BMAL2: variants seen among roughly 807,000 people sequenced by gnomAD.
BMAL2 encodes basic helix-loop-helix ARNT-like protein 2.
chr12:27,385,519 T>C, the BMAL2 span: 2 of 1,607,138 alleles, frequency 1.2e-6, no homozygotes, highest in East Asian at 2.2e-5. Flanking sequence ...TTATAGACCA[T>C]CATTTCTTCA....
chr12:27,377,910 G>A, the BMAL2 span, among the ~76,000 whole-genome samples: 3 of 152,154 alleles, frequency 2.0e-5, no homozygotes, highest in East Asian at 1.9e-4. Flanking sequence ...GGCAGGGGGT[G>A]TGGTAGCTCC....
chr12:27,350,095 AT>A, the BMAL2 span, among the ~76,000 whole-genome samples: 3 of 152,350 alleles, frequency 2.0e-5, no homozygotes, highest in East Asian at 5.8e-4. Context: ...GTCAAAGTCT[AT>A]TTAGTCACCC....
At chr12:27,376,201 T>G in the BMAL2 span, 1 of 651,708 alleles carries the variant, frequency 1.5e-6, no homozygotes, top group Non-Finnish European at 2.6e-6. Context: ...TTTCAGGTCA[T>G]TAGGTGCTCA....
the BMAL2 span, among the ~76,000 whole-genome samples, chr12:27,374,302 C>T: frequency 1.4e-4 from 22 of 151,746 alleles, no homozygotes; most frequent in Non-Finnish European, 3.1e-4. Context: ...TTGGACATAT[C>T]CAAACTAATT....
chr12:27,367,917 TC>T, the BMAL2 span, among the ~76,000 whole-genome samples: 3 of 151,896 alleles, frequency 2.0e-5, no homozygotes, highest in Non-Finnish European at 4.4e-5. Flanking sequence ...TGATCTCAGC[TC>T]ACTGCAACCT....
At chr12:27,394,881 G>C in the BMAL2 span, among the ~76,000 whole-genome samples, 2 of 152,340 alleles carry the variant, frequency 1.3e-5, no homozygotes, top group East Asian at 3.9e-4. Context: ...AGTGAGCAAG[G>C]GAAGGCCATG....
the BMAL2 span, among the ~76,000 whole-genome samples, chr12:27,345,597 T>C: frequency 1.3e-5 from 2 of 152,208 alleles, no homozygotes; most frequent in Non-Finnish European, 2.9e-5. Context: ...CAAGTGATTC[T>C]CCTGCATCAT....
chr12:27,420,104 T>C, the BMAL2 span, among the ~76,000 whole-genome samples: 1 of 152,000 alleles, frequency 6.6e-6, no homozygotes, highest in Non-Finnish European at 1.5e-5. Flanking sequence ...CTGTACCCTT[T>C]AGCAGTGTAA....
At chr12:27,345,671 T>A in the BMAL2 span, among the ~76,000 whole-genome samples, 1 of 152,106 alleles carries the variant, frequency 6.6e-6, no homozygotes, top group Non-Finnish European at 1.5e-5. Context: ...ATTTTTGTAC[T>A]TTTGTTTTTT....
At chr12:27,396,256 A>G in the BMAL2 span, among the ~76,000 whole-genome samples, 2 of 152,182 alleles carry the variant, frequency 1.3e-5, no homozygotes, top group Non-Finnish European at 2.9e-5. Context: ...GGCTTCTAGG[A>G]AGCACTCAAT....
At chr12:27,389,708 G>A in the BMAL2 span, 5 of 180,598 alleles carry the variant, frequency 2.8e-5, no homozygotes, top group Admixed American at 1.2e-4. Context: ...TGTTTGGGAA[G>A]TATAAGTATT....
chr12:27,420,764 C>A, the BMAL2 span: 1 of 373,548 alleles, frequency 2.7e-6, no homozygotes, highest in Admixed American at 4.4e-5. Flanking sequence ...GGCTTATAAT[C>A]CACTAGTTGC....
the BMAL2 span, among the ~76,000 whole-genome samples, chr12:27,347,816 C>T: frequency 6.6e-6 from 1 of 152,156 alleles, no homozygotes; most frequent in Admixed American, 6.5e-5. Flanking sequence ...AGATCTAGGA[C>T]ACCTGCCGAT....
the BMAL2 span, chr12:27,387,179 TAA>T: frequency 6.2e-6 from 8 of 1,281,014 alleles, no homozygotes; most frequent in East Asian, 1.6e-4. Context: ...TGCGTGTGTA[TAA>T]GAGACAGACA....
At chr12:27,367,893 G>T in the BMAL2 span, among the ~76,000 whole-genome samples, 3 of 151,696 alleles carry the variant, frequency 2.0e-5, no homozygotes, top group Non-Finnish European at 4.4e-5. Flanking sequence ...TGCCCAGGCT[G>T]GAGTACAGTA....
At chr12:27,338,637 A>G in the BMAL2 span, among the ~76,000 whole-genome samples, 1 of 152,218 alleles carries the variant, frequency 6.6e-6, no homozygotes, top group Non-Finnish European at 1.5e-5. Flanking sequence ...ATCATTTTCT[A>G]TTGGGCTTCC....
At chr12:27,420,334 G>A in the BMAL2 span, 21 of 1,584,562 alleles carry the variant, frequency 1.3e-5, no homozygotes, top group Non-Finnish European at 1.6e-5. Flanking sequence ...ACCTCAAAAT[G>A]TGTGAAATGT....
chr12:27,420,489 T>A, the BMAL2 span: 1 of 1,612,982 alleles, frequency 6.2e-7, no homozygotes, highest in African/African-American at 1.3e-5. Context: ...GAGGGGGGCC[T>A]GGGAGACCCT....
At chr12:27,335,816 G>A in the BMAL2 span, among the ~76,000 whole-genome samples, 1 of 151,886 alleles carries the variant, frequency 6.6e-6, no homozygotes, top group South Asian at 2.1e-4. Context: ...GGAAGGAGAA[G>A]GGGAGGAGGG....
Sources: allele counts gnomAD v4.1 joint callset (sites outside exome capture counted in the v4.1 genomes callset), GRCh38; gene constraint gnomAD v4.1.1; transcripts MANE v1.5; gene names NCBI Gene and HGNC (gene_info 2026-07-23, HGNC 2026-07-21).